The following KAZN variants were observed in gnomAD, a reference collection of about 807,000 sequenced individuals.
The protein encoded by KAZN is kazrin.
Under a neutral mutation model 87.4 loss-of-function variants are expected in KAZN, and 40 were observed. The observed-to-expected ratio is 0.46, with a 90% CI of 0.36 to 0.60. The LOEUF (loss-of-function observed/expected upper bound fraction) is 0.60, where lower values mean the gene tolerates loss of function less well. KAZN is among the 20% of genes least tolerant of loss of function. The pLI is 0.00. For missense variants in KAZN, 898 were observed against 1,073.9 expected (o/e 0.84, Z 2.29); for synonymous variants, 466 against 458.3 (o/e 1.02, Z -0.22).
chr1:15,039,858 G>A (rs1441626597), intron 3 of KAZN, among the ~76,000 whole-genome samples: 1 of 152,184 alleles, frequency 6.6e-6, no homozygotes, highest in Admixed American at 6.5e-5. Context: ...ACTGCCGGGG[G>A]CAGCTCCCTG....
intron 1 of KAZN, among the ~76,000 whole-genome samples, chr1:14,042,828 T>C (rs545801627): frequency 6.6e-6 from 1 of 152,348 alleles, no homozygotes; most frequent in South Asian, 2.1e-4. Context: ...TACTGAATAC[T>C]AGCAGTGAAT....
chr1:14,110,535 G>C (rs1054287253), intron 1 of KAZN, among the ~76,000 whole-genome samples: 1 of 152,176 alleles, frequency 6.6e-6, no homozygotes, highest in Non-Finnish European at 1.5e-5. Context: ...TCATTTTGTA[G>C]TTTTTTGACT....
At chr1:14,484,735 C>A (rs910840170) in intron 2 of KAZN, among the ~76,000 whole-genome samples, 1 of 152,194 alleles carries the variant, frequency 6.6e-6, no homozygotes. Flanking sequence ...GGCAGCCATG[C>A]GATCTTGGCT....
intron 1 of KAZN, among the ~76,000 whole-genome samples, chr1:14,740,644 C>T (rs948749255): frequency 9.2e-5 from 14 of 152,152 alleles, no homozygotes; most frequent in Admixed American, 2.0e-4. Flanking sequence ...AGACCTCTCC[C>T]GCTCTGGCCG....
At chr1:14,892,476 A>C in intron 1 of KAZN, among the ~76,000 whole-genome samples, 2 of 147,526 alleles carry the variant, frequency 1.4e-5, no homozygotes, top group Non-Finnish European at 1.5e-5. Context: ...CTGTAATCTC[A>C]GGCTTGTTTC....
intron 1 of KAZN, among the ~76,000 whole-genome samples, chr1:14,814,557 C>T (rs867085779): frequency 2.6e-5 from 4 of 152,212 alleles, no homozygotes; most frequent in African/African-American, 7.2e-5. Flanking sequence ...GTCTCTGCCC[C>T]GTGCTCTGAG....
intron 13 of KAZN, chr1:15,112,155 C>T: frequency 3.9e-6 from 2 of 509,592 alleles, no homozygotes. Flanking sequence ...CCGCTAACAG[C>T]TGTGTCGTCT....
chr1:14,261,251 CAG>C (rs141880737), intron 2 of KAZN, among the ~76,000 whole-genome samples: 12,807 of 152,230 alleles, frequency 0.084, 738 homozygotes, highest in Middle Eastern at 0.21. Flanking sequence ...AGCTGTAAAA[CAG>C]AGATAGACAA....
At chr1:14,620,771 A>G (rs1488482517) in intron 1 of KAZN, among the ~76,000 whole-genome samples, 1 of 152,222 alleles carries the variant, frequency 6.6e-6, no homozygotes, top group Non-Finnish European at 1.5e-5. Context: ...CATCTCATTC[A>G]GCCCCAGTTT....
At chr1:14,014,850 C>G (rs192057979) in intron 1 of KAZN, among the ~76,000 whole-genome samples, 1 of 152,128 alleles carries the variant, frequency 6.6e-6, no homozygotes, top group African/African-American at 2.4e-5. Context: ...TACCCTAATC[C>G]GATTTGCACT....
intron 1 of KAZN, among the ~76,000 whole-genome samples, chr1:14,744,273 A>C (rs1271130929): frequency 6.6e-6 from 1 of 152,154 alleles, no homozygotes; most frequent in Non-Finnish European, 1.5e-5. Context: ...TATCTTATTT[A>C]GTCTTGACTG....
At chr1:14,228,596 A>T (rs1239515956) in intron 2 of KAZN, among the ~76,000 whole-genome samples, 1 of 152,216 alleles carries the variant, frequency 6.6e-6, no homozygotes, top group African/African-American at 2.4e-5. Context: ...TTCAAAATAG[A>T]TGTGAAAATG....
At chr1:15,064,431 G>A (rs180715985) in intron 7 of KAZN, among the ~76,000 whole-genome samples, 31 of 152,288 alleles carry the variant, frequency 2.0e-4, no homozygotes, top group African/African-American at 6.7e-4. Context: ...GCCCCACCCC[G>A]GTTACGCATG....
chr1:14,219,992 G>A lies in KAZN; in HGVS notation c.249+39400G>A, dbSNP rs1647057255. Among the ~76,000 whole-genome samples, 4 of 152,120 alleles carry A rather than the reference G, an allele frequency of 2.6e-5. No individual in the cohort carries two copies. In the South Asian group the frequency reaches 8.3e-4, roughly 32 times the overall value. ...CATAAACTCTGCCCAATTCATTATT[G>A]TTGAGTATTGCCTTCTAGAAATTAT... is the stretch of plus-strand genomic sequence containing the variant. On this transcript the variant is annotated intron_variant, in intron 2 of 16. Transcript: ENST00000636203.
At chr1:14,450,727 A>G (rs1379453086) in intron 2 of KAZN, among the ~76,000 whole-genome samples, 3 of 152,202 alleles carry the variant, frequency 2.0e-5, no homozygotes, top group African/African-American at 7.2e-5. Flanking sequence ...CCCGGACATC[A>G]AGTGTGGGGA....
chr1:14,921,593 G>A (rs1023569613), intron 1 of KAZN, among the ~76,000 whole-genome samples: 4 of 152,202 alleles, frequency 2.6e-5, no homozygotes, highest in Admixed American at 6.5e-5. Context: ...GGGGCCGGTG[G>A]CCTCATTTGC....
rs535397369 is a variant in KAZN, at chr1:14,466,705, A to C, written c.250-132278A>C. On this transcript the variant is annotated intron_variant, in intron 2 of 16. Coordinates refer to the KAZN transcript ENST00000636203. ...AAGAAACGGCCAGGCGCGGTGGCTC[A>C]CGCCTGTAATCCCAGCACTTCGGGA... Among the ~76,000 whole-genome samples the C allele has an allele frequency of 2.4e-3, 370 of 151,432 alleles. 1 individual carries two copies. The highest frequency in any genetic ancestry group is 0.011 in the East Asian group (57 of 5,152).
At chr1:14,023,718 G>A (rs1178766334) in intron 1 of KAZN, among the ~76,000 whole-genome samples, 1 of 152,182 alleles carries the variant, frequency 6.6e-6, no homozygotes, top group East Asian at 1.9e-4. Context: ...ATAAGCAGTA[G>A]GAGGTAGAAT....
chr1:14,647,241 G>A (rs746544434), intron 1 of KAZN, among the ~76,000 whole-genome samples: 8 of 152,072 alleles, frequency 5.3e-5, no homozygotes, highest in African/African-American at 9.7e-5. Flanking sequence ...AAAACAGCCC[G>A]CAGCCAATTG....
Sources: allele counts gnomAD v4.1 joint callset (sites outside exome capture counted in the v4.1 genomes callset), GRCh38; gene constraint gnomAD v4.1.1; transcripts MANE v1.5; gene names NCBI Gene and HGNC (gene_info 2026-07-23, HGNC 2026-07-21).